HCN1: variants seen among roughly 807,000 people sequenced by gnomAD.
The protein encoded by HCN1 is potassium/sodium hyperpolarization-activated cyclic nucleotide-gated channel 1.
In HCN1, 13 loss-of-function variants were observed where a neutral mutation model predicts 78.9. That is an observed-to-expected ratio of 0.16 (90% CI 0.11 to 0.26). The LOEUF (loss-of-function observed/expected upper bound fraction) is 0.26, where lower values mean the gene tolerates loss of function less well. Among genes scored for constraint, HCN1 ranks in the 10% least tolerant of loss-of-function variants. The pLI, the probability that HCN1 is intolerant of heterozygous loss-of-function variation, is 1.00. For synonymous variants in HCN1, 552 were observed against 455.5 expected (o/e 1.21, Z -2.70); for missense variants, 810 against 1,154.3 (o/e 0.70, Z 4.32).
At chr5:45,659,116 C>T (rs1460134122) in intron 1 of HCN1, among the ~76,000 whole-genome samples, 1 of 152,010 alleles carries the variant, frequency 6.6e-6, no homozygotes, top group Non-Finnish European at 1.5e-5. Flanking sequence ...TGAGAACGGG[C>T]AGACTGCCTC....
chr5:45,495,566 T>A (rs1314426443), intron 2 of HCN1, among the ~76,000 whole-genome samples: 1 of 152,220 alleles, frequency 6.6e-6, no homozygotes, highest in African/African-American at 2.4e-5. Flanking sequence ...TTTGACTTCC[T>A]CTTTTCCTAA....
At chr5:45,462,170 C>T (rs1741175703) in intron 2 of HCN1, among the ~76,000 whole-genome samples, 163 bp from the exon 3 acceptor site, 1 of 151,996 alleles carries the variant, frequency 6.6e-6, no homozygotes, top group South Asian at 2.1e-4. Context: ...TTTATTTTTA[C>T]AATAAGGTTG....
chr5:45,379,671 A>T (rs977546341), intron 4 of HCN1, among the ~76,000 whole-genome samples: 40 of 152,128 alleles, frequency 2.6e-4, no homozygotes, highest in African/African-American at 8.9e-4. Context: ...TCTGTATAAG[A>T]TCTATGAGGA....
chr5:45,634,960 T>G (rs59041019), intron 2 of HCN1, among the ~76,000 whole-genome samples: 2 of 152,066 alleles, frequency 1.3e-5, no homozygotes, highest in African/African-American at 4.8e-5. Flanking sequence ...ACAAAGCTAG[T>G]TGATCTCCCA....
intron 2 of HCN1, among the ~76,000 whole-genome samples, chr5:45,494,559 A>G (rs971075518): frequency 6.6e-6 from 1 of 151,296 alleles, no homozygotes; most frequent in Non-Finnish European, 1.5e-5. Flanking sequence ...TTGCCTGTTC[A>G]CTCTGATGGT....
intron 2 of HCN1, among the ~76,000 whole-genome samples, chr5:45,637,570 T>C (rs1430636975): frequency 6.6e-6 from 1 of 150,860 alleles, no homozygotes; most frequent in African/African-American, 2.4e-5. Flanking sequence ...CACAAGGAGC[T>C]ATACTAGATC....
At chr5:45,461,738 G>A in intron 3 of HCN1, 108 bp downstream of exon 3, 1 of 1,044,412 alleles carries the variant, frequency 9.6e-7, no homozygotes, top group South Asian at 1.4e-5. Context: ...AAATCAAGTT[G>A]TCTGTAAACA....
chr5:45,264,815 C>A (rs531554925), intron 7 of HCN1, among the ~76,000 whole-genome samples: 6 of 152,272 alleles, frequency 3.9e-5, no homozygotes, highest in East Asian at 3.9e-4. Context: ...TTATAAAGAT[C>A]AAAAATTCAA....
intron 3 of HCN1, among the ~76,000 whole-genome samples, chr5:45,449,220 T>A (rs1740860229): frequency 6.6e-6 from 1 of 152,202 alleles, no homozygotes; most frequent in Non-Finnish European, 1.5e-5. Flanking sequence ...AAGGTACAAA[T>A]ATGTTAAGTC....
chr5:45,382,054 C>A (rs1387908974), intron 4 of HCN1, among the ~76,000 whole-genome samples: 1 of 152,128 alleles, frequency 6.6e-6, no homozygotes, highest in Non-Finnish European at 1.5e-5. Context: ...AGCCTCTTCC[C>A]ATCTCAGCGG....
intron 2 of HCN1, among the ~76,000 whole-genome samples, chr5:45,581,523 A>C (rs1744072580): frequency 6.6e-6 from 1 of 152,120 alleles, no homozygotes; most frequent in African/African-American, 2.4e-5. Context: ...TCTTTAGTTT[A>C]ATTAGATCCC....
At chr5:45,359,415 AAAT>A (rs1279994174) in intron 4 of HCN1, among the ~76,000 whole-genome samples, 5 of 143,648 alleles carry the variant, frequency 3.5e-5, no homozygotes, top group African/African-American at 8.1e-5. Context: ...AAAAAAAAAA[AAAT>A]ATATATATAT....
In HCN1 at chr5:45,267,227, G is replaced by T; in HGVS notation, c.1645C>A (p.Arg549Ser). The change falls in exon 7 of 8, where the codon CGT becomes AGT. Residue 549 changes from arginine (R) to serine (S), a missense_variant. Arg to Ser is a moderately radical substitution (Grantham distance 110). This residue lies in a region of HCN1 where 36 missense variants were observed against 58.5 expected (regional missense o/e 0.62). Transcript: ENST00000303230. Reference sequence around the variant, plus strand: ...GTATCAGCTCGAACACTGGCAGTACGACGTCCTTTGGTCAGCAGGCAAATC... The same window carrying T: ...GTATCAGCTCGAACACTGGCAGTACTACGTCCTTTGGTCAGCAGGCAAATC... ...GEICLLTKGR[R>S]TASVRADTYC... is the part of the protein sequence containing the mutation. The T allele has an allele frequency of 6.2e-7, 1 of 1,613,902 alleles. No homozygotes were observed. Among genetic ancestry groups the T allele is most frequent in the Non-Finnish European group, 8.5e-7 (1 of 1,179,918 alleles).
chr5:45,290,071 GTTC>G (rs1271071381), intron 6 of HCN1, among the ~76,000 whole-genome samples: 1 of 151,848 alleles, frequency 6.6e-6, no homozygotes, highest in South Asian at 2.1e-4. Context: ...TTCCTGCACT[GTTC>G]TTGTGACAGT....
At chr5:45,352,886 G>C (rs1746939832) in intron 5 of HCN1, among the ~76,000 whole-genome samples, 1 of 151,992 alleles carries the variant, frequency 6.6e-6, no homozygotes, top group Non-Finnish European at 1.5e-5. Context: ...ATACAGACAA[G>C]AGAACAGTTC....
chr5:45,553,960 C>A (rs1326094807), intron 2 of HCN1, among the ~76,000 whole-genome samples: 1 of 151,872 alleles, frequency 6.6e-6, no homozygotes, highest in Non-Finnish European at 1.5e-5. Context: ...TAGTCATATT[C>A]TCCCACCATC....
intron 2 of HCN1, among the ~76,000 whole-genome samples, chr5:45,510,569 G>A (rs570365092): frequency 7.9e-5 from 12 of 152,080 alleles, no homozygotes; most frequent in African/African-American, 2.2e-4. Context: ...AGGCTGGAGT[G>A]TAATTTGACA....
intron 4 of HCN1, among the ~76,000 whole-genome samples, chr5:45,390,575 A>T (rs892731963): frequency 6.6e-6 from 1 of 152,178 alleles, no homozygotes; most frequent in Non-Finnish European, 1.5e-5. Context: ...CACAGTCCTG[A>T]AAATGTGAAT....
At chr5:45,356,184 T>C (rs1363984095) in intron 4 of HCN1, among the ~76,000 whole-genome samples, 2 of 151,980 alleles carry the variant, frequency 1.3e-5, no homozygotes, top group East Asian at 1.9e-4. Flanking sequence ...TGTAGTAATA[T>C]ACTATATGCA....
Sources: gnomAD v4.1 joint callset for allele counts (sites outside exome capture counted in the v4.1 genomes callset) on GRCh38, gnomAD v4.1.1 for gene constraint, gnomAD v4.1.1 regional missense constraint, MANE v1.5 for transcripts, NCBI Gene and HGNC (gene_info 2026-07-23, HGNC 2026-07-21) for gene names.